Variants in TULP4 observed in about 807,000 individuals in gnomAD.
The protein encoded by TULP4 is tubby-related protein 4.
In TULP4, 16 loss-of-function variants were observed where a neutral mutation model predicts 129.0. The ratio of observed to expected loss-of-function variants is 0.12; its 90% CI spans 0.08 to 0.19. The LOEUF is 0.19. Ranked by LOEUF, TULP4 falls within the 10% of genes least tolerant of loss-of-function variation. The probability of loss-of-function intolerance (pLI) is 1.00; values close to 1 mark genes in which losing one functional copy is unlikely to be tolerated. For synonymous variants in TULP4, 998 were observed against 854.0 expected (o/e 1.17, Z -2.94); for missense variants, 1,842 against 2,059.1 (o/e 0.89, Z 2.04).
chr6:158,237,442 G>A, intron 1 of TULP4: 2 of 1,567,522 alleles, frequency 1.3e-6, no homozygotes, highest in East Asian at 4.5e-5. Flanking sequence ...GTTACTTGTA[G>A]AGGCAGATAG....
chr6:158,371,545 C>A (rs1187355199), intron 1 of TULP4, among the ~76,000 whole-genome samples: 1 of 152,154 alleles, frequency 6.6e-6, no homozygotes, highest in Non-Finnish European at 1.5e-5. Context: ...ACTCAGTGGT[C>A]ATTTTTAGAA....
chr6:158,454,024 C>CCCG (rs1562572971), intron 5 of TULP4, among the ~76,000 whole-genome samples: 1 of 147,618 alleles, frequency 6.8e-6, no homozygotes, highest in East Asian at 2.0e-4. Flanking sequence ...CTGCACCGCC[C>CCCG]CCCCCCAAGT....
chr6:158,375,815 C>T (rs1777173385), intron 1 of TULP4, among the ~76,000 whole-genome samples: 1 of 152,166 alleles, frequency 6.6e-6, no homozygotes, highest in African/African-American at 2.4e-5. Context: ...TGAACAAGAA[C>T]CCAGGCTAGA....
intron 1 of TULP4, among the ~76,000 whole-genome samples, chr6:158,356,577 A>G (rs1780652170): frequency 6.6e-6 from 1 of 152,166 alleles, no homozygotes; most frequent in Admixed American, 6.5e-5. Flanking sequence ...GGGGGCCAGA[A>G]AAATGGGCAG....
In TULP4 at chr6:158,241,913, C is replaced by G. The variant is rs960690898; in HGVS notation, n.68+9610C>G. On this transcript the variant is annotated intron_variant and non_coding_transcript_variant, in intron 1 of 1. Coordinates refer to the TULP4 transcript ENST00000620026. ...AGGCCAGCTTTGTTAAATTCTATAGCTTGTAGTTGTTTCTTGGAAAGCTTA... is the reference window on the plus strand; with the variant it reads ...AGGCCAGCTTTGTTAAATTCTATAGGTTGTAGTTGTTTCTTGGAAAGCTTA... 1.2e-5 allele frequency: 9 copies of G among 775,692 alleles called. No homozygotes were observed. The African/African-American group carries it at 1.4e-4, about 12-fold the overall frequency. The allele number at this position is 775,692 out of a possible 1,614,324, so 48.1% of individuals were successfully genotyped here.
intron 1 of TULP4, among the ~76,000 whole-genome samples, chr6:158,248,384 C>T (rs1361131084): frequency 6.6e-6 from 1 of 152,112 alleles, no homozygotes; most frequent in Non-Finnish European, 1.5e-5. Context: ...ATTCTCCTGC[C>T]TCAGCCTCCC....
At chr6:158,234,204 G>A (rs1777646799) in intron 1 of TULP4, among the ~76,000 whole-genome samples, 1 of 152,184 alleles carries the variant, frequency 6.6e-6, no homozygotes, top group African/African-American at 2.4e-5. Flanking sequence ...AAGAGTGGCA[G>A]TTTGGTTATT....
At chr6:158,346,696 G>A (rs1016441225) in intron 1 of TULP4, among the ~76,000 whole-genome samples, 4 of 152,316 alleles carry the variant, frequency 2.6e-5, no homozygotes, top group African/African-American at 9.6e-5. Flanking sequence ...TTTAGGCAGA[G>A]TATTTAATGA....
intron 1 of TULP4, among the ~76,000 whole-genome samples, chr6:158,267,857 G>GTAA (rs1778475503): frequency 6.6e-6 from 1 of 152,110 alleles, no homozygotes. Context: ...TTGCCTGGCT[G>GTAA]AATTAAGGCT....
intron 1 of TULP4, among the ~76,000 whole-genome samples, chr6:158,328,105 TGTGTGTGTGTGTGTGTGTGTGTGCGTGC>T (rs966489814): frequency 1.9e-4 from 17 of 87,720 alleles, no homozygotes; most frequent in South Asian, 1.3e-3. Flanking sequence ...TGTGTGTGTG[TGTGTGTGTGTGTGTGTGTGTGTGCGTGC>T]GTGCTGGGAA....
intron 1 of TULP4, among the ~76,000 whole-genome samples, chr6:158,335,551 A>C (rs544708824): frequency 6.6e-6 from 1 of 152,344 alleles, no homozygotes; most frequent in South Asian, 2.1e-4. Flanking sequence ...CATTACATTC[A>C]TCCCTCCCAC....
chr6:158,362,823 C>A (rs1429567339), intron 1 of TULP4, among the ~76,000 whole-genome samples: 2 of 103,556 alleles, frequency 1.9e-5, no homozygotes, highest in Non-Finnish European at 4.2e-5. Context: ...CGCCCTTAAT[C>A]CCAGCACTTT....
At chr6:158,295,221 G>GA (rs759187217) in intron 1 of TULP4, among the ~76,000 whole-genome samples, 1 of 152,030 alleles carries the variant, frequency 6.6e-6, no homozygotes, top group Non-Finnish European at 1.5e-5. Flanking sequence ...ACTTTGTTCT[G>GA]AAGTTTTATA....
intron 11 of TULP4, among the ~76,000 whole-genome samples, chr6:158,496,782 A>G (rs1780347025): frequency 6.6e-6 from 1 of 152,242 alleles, no homozygotes; most frequent in South Asian, 2.1e-4. Context: ...GAGAAGGTCC[A>G]CAGATAAGCC....
At chr6:158,487,182 G>GACC (rs371000181) in intron 8 of TULP4, among the ~76,000 whole-genome samples, 93,497 of 151,408 alleles carry the variant, frequency 0.62, 29,632 homozygotes, top group African/African-American at 0.76. Flanking sequence ...GGAGGCTGAG[G>GACC]CAGGAGATGG....
chr6:158,424,257 T>TA (rs1235251031), intron 2 of TULP4, among the ~76,000 whole-genome samples: 2 of 152,052 alleles, frequency 1.3e-5, no homozygotes. Flanking sequence ...CTTGTATACT[T>TA]ACTTATTTAC....
chr6:158,423,523 T>C (rs1778402318), intron 2 of TULP4, among the ~76,000 whole-genome samples: 1 of 152,246 alleles, frequency 6.6e-6, no homozygotes, highest in South Asian at 2.1e-4. Flanking sequence ...TATGTATTCA[T>C]GCATTGAAAC....
intron 6 of TULP4, among the ~76,000 whole-genome samples, chr6:158,470,327 A>G (rs1779650523): frequency 6.6e-6 from 1 of 152,234 alleles, no homozygotes; most frequent in African/African-American, 2.4e-5. Flanking sequence ...CAGTTGCAAG[A>G]TTTAATAGAG....
In TULP4 at chr6:158,494,735, C is replaced by T. The variant is rs1423297377; in HGVS notation, c.1777-18C>T. The stretch of plus-strand genomic sequence containing the variant: ...AAATAGATTGTGATTCTTCTTTTTT[C>T]TTTTCTTCCTACCGCAGCACAACTA... On this transcript the variant is annotated intron_variant, in intron 10 of 13. Transcript: ENST00000367097. 32 of 1,593,782 alleles carry T rather than the reference C, an allele frequency of 2.0e-5. No homozygotes were observed. In the Admixed American group the frequency reaches 2.3e-4, roughly 11 times the overall value.
Sources: gnomAD v4.1 joint callset for allele counts (sites outside exome capture counted in the v4.1 genomes callset) on GRCh38, gnomAD v4.1.1 for gene constraint, MANE v1.5 for transcripts, NCBI Gene and HGNC (gene_info 2026-07-23, HGNC 2026-07-21) for gene names.